SPON1: variants seen among roughly 807,000 people sequenced by gnomAD.
The protein encoded by SPON1 is spondin 1.
SPON1 carries 52 observed loss-of-function variants against 111.7 expected under a neutral mutation model. The ratio of observed to expected loss-of-function variants is 0.47; its 90% CI spans 0.37 to 0.59. The LOEUF is 0.59. SPON1 is among the 20% of genes least tolerant of loss of function. The pLI, the probability that SPON1 is intolerant of heterozygous loss-of-function variation, is 0.00. For missense variants in SPON1, 957 were observed against 1,068.5 expected, an observed-to-expected ratio of 0.90 and a Z score of 1.46; for synonymous variants, 410 against 395.8, an observed-to-expected ratio of 1.04 and a Z score of -0.43.
At chr11:14,229,127 T>A (rs1415611539) in intron 6 of SPON1, among the ~76,000 whole-genome samples, 1 of 152,222 alleles carries the variant, frequency 6.6e-6, no homozygotes, top group Non-Finnish European at 1.5e-5. Context: ...GCAGTAATCA[T>A]GATGGACAGA....
Position 14,173,047 on chromosome 11 carries a change from T to C in SPON1, c.825+37479T>C, listed in dbSNP as rs763029636. Among the ~76,000 whole-genome samples the C allele has an allele frequency of 2.8e-4, 42 of 151,958 alleles. 1 individual carries two copies. The highest frequency in any genetic ancestry group is 4.7e-4 in the Non-Finnish European group (32 of 67,934). On this transcript the variant is annotated intron_variant, in intron 6 of 15. Coordinates refer to ENST00000576479, the MANE Select transcript of SPON1 (RefSeq NM_006108.4). ...GAATTTGAATGTTGGCCTGCCTCGCTAGATTGGGGAAGTTCTCCTGGATAA... is the reference window on the plus strand; with the variant it reads ...GAATTTGAATGTTGGCCTGCCTCGCCAGATTGGGGAAGTTCTCCTGGATAA...
chr11:14,038,959 G>A (rs1178565292), intron 2 of SPON1, among the ~76,000 whole-genome samples: 5 of 152,154 alleles, frequency 3.3e-5, no homozygotes, highest in Admixed American at 6.5e-5. Flanking sequence ...ATATCCTTCC[G>A]TAAGTGAGTG....
At chr11:14,242,560 C>T (rs1848940472) in intron 6 of SPON1, among the ~76,000 whole-genome samples, 1 of 152,224 alleles carries the variant, frequency 6.6e-6, no homozygotes, top group Non-Finnish European at 1.5e-5. Context: ...AAGATCATGG[C>T]ACCCCTCACC....
At chr11:14,018,416 T>C (rs1393168828) in intron 2 of SPON1, among the ~76,000 whole-genome samples, 1 of 152,196 alleles carries the variant, frequency 6.6e-6, no homozygotes, top group Admixed American at 6.5e-5. Flanking sequence ...TTGTTCAGTT[T>C]AGAAATGACA....
At chr11:14,253,925 A>G (rs910525322) in intron 7 of SPON1, among the ~76,000 whole-genome samples, 6 of 152,190 alleles carry the variant, frequency 3.9e-5, no homozygotes, top group Non-Finnish European at 8.8e-5. Context: ...TGTATCTCAC[A>G]TGGTCCCAGC....
chr11:14,117,378 T>C (rs1849274529), intron 5 of SPON1, among the ~76,000 whole-genome samples: 1 of 152,216 alleles, frequency 6.6e-6, no homozygotes, highest in Non-Finnish European at 1.5e-5. Flanking sequence ...TTTGCTGATA[T>C]GTTTTCTTAT....
intron 1 of SPON1, among the ~76,000 whole-genome samples, chr11:13,963,918 C>T (rs1243042101): frequency 6.6e-6 from 1 of 152,204 alleles, no homozygotes; most frequent in Non-Finnish European, 1.5e-5. Flanking sequence ...AGGCCTGCTC[C>T]CTGGAGGCCG....
At chr11:14,180,090 C>T (rs1008034531) in intron 6 of SPON1, among the ~76,000 whole-genome samples, 1 of 152,112 alleles carries the variant, frequency 6.6e-6, no homozygotes, top group Non-Finnish European at 1.5e-5. Flanking sequence ...AGTGATCTTC[C>T]CTGCCCCTCC....
At chr11:14,146,510 A>G in intron 6 of SPON1, among the ~76,000 whole-genome samples, 1 of 152,160 alleles carries the variant, frequency 6.6e-6, no homozygotes, top group East Asian at 1.9e-4. Flanking sequence ...ATAAGAAACC[A>G]AATATTCCCC....
chr11:14,051,086 G>GA (rs1278617057), intron 3 of SPON1, among the ~76,000 whole-genome samples: 3 of 152,290 alleles, frequency 2.0e-5, no homozygotes, highest in Admixed American at 2.0e-4. Flanking sequence ...GAGGGGTGTA[G>GA]AGTTGCCTAT....
chr11:14,088,361 A>T (rs1385548893), intron 5 of SPON1, among the ~76,000 whole-genome samples: 1 of 152,142 alleles, frequency 6.6e-6, no homozygotes. Context: ...CTTGTCTATA[A>T]AGGATTTTAT....
At chr11:14,261,929 G>A (rs1849188801) in intron 14 of SPON1, among the ~76,000 whole-genome samples, 1 of 152,106 alleles carries the variant, frequency 6.6e-6, no homozygotes, top group Admixed American at 6.5e-5. Flanking sequence ...AACTGAAACT[G>A]TTGAACTAAA....
rs575432339 is a variant in SPON1, at chr11:14,047,143, A to AAT, written c.479+5501_479+5502dup. On this transcript the variant is annotated intron_variant, in intron 3 of 15. Coordinates refer to ENST00000576479, the MANE Select transcript of SPON1 (RefSeq NM_006108.4). ...TAAATGATCATATCTTAAAATAATG[A>AAT]ATATATATATATACCTTTTGTTTCT... 6.4e-3 allele frequency among the ~76,000 whole-genome samples: 969 copies of AAT among 151,936 alleles called. 4 individuals are homozygous for AAT. Among genetic ancestry groups the AAT allele is most frequent in the African/African-American group, 0.018 (764 of 41,464 alleles).
intron 5 of SPON1, among the ~76,000 whole-genome samples, chr11:14,112,974 G>A (rs1265665433): frequency 2.0e-5 from 3 of 152,126 alleles, no homozygotes; most frequent in Non-Finnish European, 2.9e-5. Flanking sequence ...TCCCAATACC[G>A]ATCTTTCTGT....
chr11:14,263,702 C>T (rs1281281035), intron 15 of SPON1, among the ~76,000 whole-genome samples: 1 of 152,130 alleles, frequency 6.6e-6, no homozygotes, highest in Non-Finnish European at 1.5e-5. Context: ...TAGAGTGGGT[C>T]TTGAAAAATC....
intron 5 of SPON1, among the ~76,000 whole-genome samples, chr11:14,108,771 A>G (rs1321482990): frequency 6.6e-6 from 1 of 151,696 alleles, no homozygotes; most frequent in Non-Finnish European, 1.5e-5. Flanking sequence ...TTTTTTGTAA[A>G]TAAGAAAAGA....
chr11:14,187,671 G>GT (rs1253610534), intron 6 of SPON1, among the ~76,000 whole-genome samples: 1 of 152,118 alleles, frequency 6.6e-6, no homozygotes, highest in Admixed American at 6.5e-5. Context: ...CTGGAGTGCA[G>GT]TGGTGCAATC....
At chr11:14,132,117 C>T (rs782363069) in intron 5 of SPON1, among the ~76,000 whole-genome samples, 1 of 151,890 alleles carries the variant, frequency 6.6e-6, no homozygotes, top group African/African-American at 2.4e-5. Flanking sequence ...TCTCTACTAA[C>T]AATACAAAAA....
intron 6 of SPON1, among the ~76,000 whole-genome samples, chr11:14,159,244 T>A (rs6486172): frequency 0.054 from 8,211 of 152,114 alleles, 364 homozygotes; most frequent in African/African-American, 0.12. Flanking sequence ...TTATTAAAAA[T>A]TTTTTTGATG....
Sources: allele counts gnomAD v4.1 joint callset (sites outside exome capture counted in the v4.1 genomes callset), GRCh38; gene constraint gnomAD v4.1.1; transcripts MANE v1.5; gene names NCBI Gene and HGNC (gene_info 2026-07-23, HGNC 2026-07-21).